The following TLCD4 variants were observed in gnomAD, a reference collection of about 807,000 sequenced individuals.
TLCD4 encodes TLC domain containing 4.
A neutral mutation model predicts 24.2 loss-of-function variants in TLCD4; 7 were observed. That is an observed-to-expected ratio of 0.29 (90% CI 0.16 to 0.54). TLCD4 has a LOEUF of 0.54. Among genes scored for constraint, TLCD4 ranks in the 20% least tolerant of loss-of-function variants. TLCD4 has a pLI of 0.95. For missense variants in TLCD4, 259 were observed against 313.9 expected, an observed-to-expected ratio of 0.82 and a Z score of 1.32; for synonymous variants, 103 against 106.4, an observed-to-expected ratio of 0.97 and a Z score of 0.20.
intron 6 of TLCD4, chr1:95,174,161 T>G (rs1388853843): frequency 1.5e-5 from 7 of 460,338 alleles, no homozygotes; most frequent in Non-Finnish European, 2.3e-5. Context: ...CAGCTCATTC[T>G]TTCACCCTCC....
At chr1:95,127,269 T>C (rs1025948171) in intron 1 of TLCD4, among the ~76,000 whole-genome samples, 2 of 152,118 alleles carry the variant, frequency 1.3e-5, no homozygotes, top group Non-Finnish European at 2.9e-5. Context: ...TTAATACCAC[T>C]TCCTTTCCTG....
chr1:95,128,421 A>G (rs1433177978), intron 1 of TLCD4, among the ~76,000 whole-genome samples: 1 of 152,260 alleles, frequency 6.6e-6, no homozygotes, highest in Non-Finnish European at 1.5e-5. Flanking sequence ...TTATTTTTAA[A>G]TTAAAAGCTA....
chr1:95,104,480 C>T, the TLCD4 span, among the ~76,000 whole-genome samples: 1 of 151,648 alleles, frequency 6.6e-6, no homozygotes, highest in Non-Finnish European at 1.5e-5. Flanking sequence ...CTGGCTAACA[C>T]AATGAAACCC....
At chr1:95,112,755 T>C (rs531518963), upstream of TLCD4, among the ~76,000 whole-genome samples, 5 of 152,346 alleles carry the variant, frequency 3.3e-5, no homozygotes, top group South Asian at 2.1e-4. Context: ...GTCTGTGATC[T>C]GGCAAAATAA....
At chr1:95,147,105 G>A (rs1010976752) in intron 2 of TLCD4, among the ~76,000 whole-genome samples, 7 of 148,010 alleles carry the variant, frequency 4.7e-5, no homozygotes, top group South Asian at 2.1e-4. Flanking sequence ...ACAGAGTGTC[G>A]CTCTGTTGCC....
the TLCD4 span, among the ~76,000 whole-genome samples, chr1:95,106,659 C>T: frequency 6.6e-6 from 1 of 152,168 alleles, no homozygotes; most frequent in Non-Finnish European, 1.5e-5. Context: ...CACCGCTACA[C>T]TCCAACCTGA....
At chr1:95,174,507 C>CAAA (rs141819142) in intron 6 of TLCD4, among the ~76,000 whole-genome samples, 1 of 85,876 alleles carries the variant, frequency 1.2e-5, no homozygotes, top group Non-Finnish European at 2.2e-5. Flanking sequence ...CCCATCCCTA[C>CAAA]AAAAAAAAAA....
chr1:95,178,595 C>G (rs1678524288), intron 6 of TLCD4, among the ~76,000 whole-genome samples: 1 of 115,382 alleles, frequency 8.7e-6, no homozygotes, highest in Non-Finnish European at 1.6e-5. Context: ...TTGAGACAGT[C>G]TCACTAATAT....
chr1:95,134,942 G>C (rs763178064), intron 1 of TLCD4, among the ~76,000 whole-genome samples: 1 of 152,058 alleles, frequency 6.6e-6, no homozygotes, highest in Non-Finnish European at 1.5e-5. Context: ...TGATATTTCT[G>C]TCTTACAGAT....
intron 1 of TLCD4, among the ~76,000 whole-genome samples, chr1:95,137,801 A>T (rs1306715088): frequency 1.3e-5 from 2 of 151,626 alleles, no homozygotes; most frequent in Admixed American, 1.3e-4. Context: ...CTGGTACACA[A>T]TCATAACTCA....
intron 5 of TLCD4, among the ~76,000 whole-genome samples, chr1:95,173,348 C>T (rs1288835689): frequency 2.7e-5 from 4 of 150,012 alleles, no homozygotes; most frequent in Admixed American, 2.6e-4. Flanking sequence ...CTCGCTCTGT[C>T]GCCCAGGCTG....
At chr1:95,188,982 A>G (rs1333699579) in intron 6 of TLCD4, among the ~76,000 whole-genome samples, 2 of 152,134 alleles carry the variant, frequency 1.3e-5, no homozygotes, top group African/African-American at 2.4e-5. Context: ...ACACCTATCT[A>G]TAATTATTTC....
chr1:95,181,894 C>T (rs1313516050), intron 6 of TLCD4, among the ~76,000 whole-genome samples: 1 of 152,172 alleles, frequency 6.6e-6, no homozygotes, highest in Non-Finnish European at 1.5e-5. Flanking sequence ...GCTGGGATTA[C>T]AGGTGTGAGC....
chr1:95,196,938 A>G lies in TLCD4; in HGVS notation c.*5070A>G, dbSNP rs1679222058. Reference sequence around the variant, plus strand: ...ATAATACTCTCACTAACTTGTAAATAGGATAAGTTATGAGATTTTTTGGTA... The same window carrying G: ...ATAATACTCTCACTAACTTGTAAATGGGATAAGTTATGAGATTTTTTGGTA... On this transcript the variant is annotated 3_prime_UTR_variant, in exon 7 of 7. Coordinates refer to ENST00000370203, the MANE Select transcript of TLCD4 (RefSeq NM_152487.3). 2 of 152,158 alleles carry G rather than the reference A, an allele frequency of 1.3e-5. No homozygotes were observed. Among genetic ancestry groups the G allele is most frequent in the Non-Finnish European group, 2.9e-5 (2 of 68,006 alleles). The allele number at this position is 152,158 out of a possible 1,614,324, so 9.4% of individuals were successfully genotyped here.
At chr1:95,162,499 G>A (rs965145391) in intron 5 of TLCD4, among the ~76,000 whole-genome samples, 17 of 152,044 alleles carry the variant, frequency 1.1e-4, no homozygotes, top group East Asian at 1.9e-4. Context: ...TAGCACATGT[G>A]CATTTAAGGT....
intron 5 of TLCD4, among the ~76,000 whole-genome samples, chr1:95,168,554 C>CTTT (rs34574043): frequency 3.9e-5 from 2 of 51,156 alleles, no homozygotes; most frequent in African/African-American, 1.4e-4. Context: ...TGTGAGTGAG[C>CTTT]TTTTTTTTTT....
Position 95,119,836 on chromosome 1 carries a change from A to G in TLCD4, c.-12+2219A>G, listed in dbSNP as rs1019357190. Among the ~76,000 whole-genome samples, 38 of 151,254 alleles carry G rather than the reference A, an allele frequency of 2.5e-4. 1 individual carries two copies. Among genetic ancestry groups the G allele is most frequent in the African/African-American group, 9.0e-4 (37 of 41,272 alleles). On this transcript the variant is annotated intron_variant, in intron 1 of 6. Transcript: ENST00000370203. ...CCACCCTTCTTTCCAAATTAGTCCCACATCCTACAGATTAAGGATTTGTTT... is the reference window on the plus strand; with the variant it reads ...CCACCCTTCTTTCCAAATTAGTCCCGCATCCTACAGATTAAGGATTTGTTT...
intron 5 of TLCD4, among the ~76,000 whole-genome samples, chr1:95,170,711 T>G (rs1375873923): frequency 6.6e-6 from 1 of 152,186 alleles, no homozygotes; most frequent in Non-Finnish European, 1.5e-5. Context: ...TCCTTTCATT[T>G]TTTTGTCCCC....
rs772226126 is a variant in TLCD4 at position 95,191,535 on chromosome 1, T to A, written c.474-15T>A. 3 of 1,590,894 alleles carry A rather than the reference T, an allele frequency of 1.9e-6. No homozygotes were observed. Among genetic ancestry groups the A allele is most frequent in the Non-Finnish European group, 8.5e-7 (1 of 1,170,526 alleles). On this transcript the variant is annotated splice_polypyrimidine_tract_variant and intron_variant, in intron 6 of 6. Coordinates refer to ENST00000370203, the MANE Select transcript of TLCD4 (RefSeq NM_152487.3). ...ATGCACTATAAATGTGATGTTTCTT[T>A]AATTCATTTTTCAGGTGGTTCTTTG...
Sources: allele counts gnomAD v4.1 joint callset (sites outside exome capture counted in the v4.1 genomes callset), GRCh38; gene constraint gnomAD v4.1.1; transcripts MANE v1.5; gene names NCBI Gene and HGNC (gene_info 2026-07-23, HGNC 2026-07-21).